METAP2: variants seen among roughly 807,000 people sequenced by gnomAD.
METAP2 encodes methionine aminopeptidase 2.
In METAP2, 25 loss-of-function variants were observed where a neutral mutation model predicts 59.4. That is an observed-to-expected ratio of 0.42 (90% CI 0.31 to 0.59). METAP2 has a LOEUF of 0.59. Among genes scored for constraint, METAP2 ranks in the 20% least tolerant of loss-of-function variants. The probability of loss-of-function intolerance (pLI) is 0.16; values close to 1 mark genes in which losing one functional copy is unlikely to be tolerated. For synonymous variants in METAP2, 214 were observed against 194.1 expected (o/e 1.10, Z -0.85); for missense variants, 366 against 581.2 (o/e 0.63, Z 3.81).
At chr12:95,496,903 C>T (rs549100366) in intron 7 of METAP2, among the ~76,000 whole-genome samples, 1 of 145,160 alleles carries the variant, frequency 6.9e-6, no homozygotes, top group African/African-American at 2.6e-5. Context: ...CGACTCACTG[C>T]ATCTTCTGCC....
intron 4 of METAP2, among the ~76,000 whole-genome samples, chr12:95,488,382 G>A (rs182215740): frequency 2.0e-5 from 3 of 151,824 alleles, no homozygotes; most frequent in African/African-American, 7.3e-5. Context: ...AGTGGTGCGT[G>A]CCTGTAATCC....
intron 2 of METAP2, among the ~76,000 whole-genome samples, chr12:95,476,514 AAAAGAAAG>A (rs373561404): frequency 5.5e-4 from 77 of 140,970 alleles, no homozygotes; most frequent in East Asian, 2.1e-3. Flanking sequence ...TGTCTCAAAA[AAAAGAAAG>A]AAAGAAAGAA....
chr12:95,512,102 C>A, intron 9 of METAP2, 104 bp downstream of exon 9: 1 of 727,552 alleles, frequency 1.4e-6, no homozygotes, highest in Non-Finnish European at 2.2e-6. Context: ...GAATTAGCTG[C>A]TTATCATCCA....
Position 95,514,196 on chromosome 12 carries a change from A to ATTTGTTTT in METAP2, c.*292_*293insTTTGTTTT, listed in dbSNP as rs2076427006. 1 of 347,218 alleles carries ATTTGTTTT rather than the reference A, an allele frequency of 2.9e-6. No individual in the cohort carries two copies. The highest frequency in any genetic ancestry group is 5.2e-6 in the Non-Finnish European group (1 of 194,148). 21.5% of individuals were successfully genotyped at this position (347,218 alleles called of 1,614,324 possible). On this transcript the variant is annotated 3_prime_UTR_variant, in exon 11 of 11. Transcript: ENST00000323666. Reference sequence around the variant, plus strand: ...TTATACGTTTTGTTTTGAATACCTAAGAGATACTTTTTGGATATTTATATT... The same window carrying ATTTGTTTT: ...TTATACGTTTTGTTTTGAATACCTAATTTGTTTTGAGATACTTTTTGGATATTTATATT...
chr12:95,499,960 C>G (rs2076303171), intron 7 of METAP2, among the ~76,000 whole-genome samples: 1 of 152,160 alleles, frequency 6.6e-6, no homozygotes. Context: ...GGGAACCACC[C>G]CCATGATCCT....
At chr12:95,495,276 C>A in intron 6 of METAP2, 138 bp downstream of exon 6, 1 of 680,616 alleles carries the variant, frequency 1.5e-6, no homozygotes, top group Non-Finnish European at 2.3e-6. Flanking sequence ...TGTGTTGAGG[C>A]AGATTTTTAA....
rs2076100746 is a variant in METAP2 at position 95,474,256 on chromosome 12, G to A, written c.77G>A (p.Gly26Glu). ...CTGGATCCAGACGACAGGGAAGAAGGAGCTGCCTCTACGGCTGAGGAAGCA... is the reference window on the plus strand; with the variant it reads ...CTGGATCCAGACGACAGGGAAGAAGAAGCTGCCTCTACGGCTGAGGAAGCA... Reference protein sequence around the residue: ...GDLDPDDREEGAASTAEEAAK... With the variant: ...GDLDPDDREEEAASTAEEAAK... Residue 26 changes from glycine to glutamate, a missense_variant, in exon 1 of 11, where the codon GGA becomes GAA. Physicochemically the swap from Gly to Glu is moderately conservative, Grantham distance 98. Coordinates refer to ENST00000323666, the MANE Select transcript of METAP2 (RefSeq NM_006838.4). 6.2e-7 allele frequency: 1 copy of A among 1,614,242 alleles called. No homozygotes were observed. Among genetic ancestry groups the A allele is most frequent in the Admixed American group, 1.7e-5 (1 of 60,032 alleles).
At chr12:95,483,097 A>T in intron 2 of METAP2, 118 bp from the exon 3 acceptor site, 1 of 809,170 alleles carries the variant, frequency 1.2e-6, no homozygotes, top group Non-Finnish European at 2.1e-6. Flanking sequence ...TAAACAAGAT[A>T]AAATAAACTA....
intron 4 of METAP2, among the ~76,000 whole-genome samples, chr12:95,493,117 T>C (rs993689530): frequency 1.5e-4 from 23 of 152,138 alleles, no homozygotes; most frequent in African/African-American, 5.6e-4. Flanking sequence ...TTTTTTTAAA[T>C]ATCATTTTAA....
At chr12:95,504,622 C>A (rs1360518949) in intron 8 of METAP2, among the ~76,000 whole-genome samples, 1 of 152,196 alleles carries the variant, frequency 6.6e-6, no homozygotes, top group Non-Finnish European at 1.5e-5. Flanking sequence ...CCCACCTTAG[C>A]CCTCCCGGGT....
chr12:95,476,446 A>G (rs2076119359), intron 2 of METAP2, among the ~76,000 whole-genome samples: 2 of 151,958 alleles, frequency 1.3e-5, no homozygotes, highest in South Asian at 2.1e-4. Context: ...CGAGAGATGG[A>G]GGTTGCAGTG....
intron 7 of METAP2, among the ~76,000 whole-genome samples, chr12:95,503,195 C>T (rs1565783698): frequency 6.6e-6 from 1 of 152,046 alleles, no homozygotes; most frequent in Admixed American, 6.6e-5. Context: ...TTCCCCCTTC[C>T]CCAGCATTTC....
intron 4 of METAP2, among the ~76,000 whole-genome samples, chr12:95,492,134 G>GTGTT (rs901421936): frequency 4.7e-5 from 7 of 150,514 alleles, no homozygotes; most frequent in African/African-American, 1.5e-4. Flanking sequence ...ATGTGTGTTT[G>GTGTT]TGTGTGTGTG....
chr12:95,508,060 C>T (rs1011161259), intron 8 of METAP2, among the ~76,000 whole-genome samples: 16 of 151,358 alleles, frequency 1.1e-4, no homozygotes, highest in African/African-American at 2.2e-4. Context: ...GGATTACAGG[C>T]GTGAGGCACC....
intron 4 of METAP2, among the ~76,000 whole-genome samples, chr12:95,487,327 T>A (rs566162266): frequency 9.9e-5 from 15 of 151,972 alleles, no homozygotes; most frequent in East Asian, 3.9e-4. Context: ...TTTTTTTTTT[T>A]AAAACATAGA....
intron 7 of METAP2, among the ~76,000 whole-genome samples, chr12:95,502,760 T>C (rs2076326010): frequency 6.6e-6 from 1 of 152,096 alleles, no homozygotes; most frequent in African/African-American, 2.4e-5. Flanking sequence ...TTAATCTTTT[T>C]TATTCTTAGA....
intron 2 of METAP2, chr12:95,482,294 G>T: frequency 1.9e-5 from 7 of 362,474 alleles, no homozygotes; most frequent in Middle Eastern, 9.3e-4. Flanking sequence ...TGTACTTTTA[G>T]TAGAGACAGG....
At chr12:95,486,044 A>C in intron 4 of METAP2, 63 bp downstream of exon 4, 1 of 1,170,526 alleles carries the variant, frequency 8.5e-7, no homozygotes. Flanking sequence ...AATAAAGCAG[A>C]TTTGACATTT....
rs536293836 is a variant in METAP2 at position 95,485,743 on chromosome 12, T to C, written c.326-136T>C. ...AGGTGGCCAGCATGATGAAGTGTCT[T>C]CTGCTTTTAACTGTGGCAGCAAGGA... On this transcript the variant is annotated intron_variant, in intron 3 of 10. Coordinates refer to ENST00000323666, the MANE Select transcript of METAP2 (RefSeq NM_006838.4). 6 of 597,890 alleles carry C rather than the reference T, an allele frequency of 1.0e-5. No homozygotes were observed. The Admixed American group carries it at 2.0e-4, about 20-fold the overall frequency. 37.0% of individuals were successfully genotyped at this position (597,890 alleles called of 1,614,324 possible). A position where few individuals can be genotyped will look rare whatever the true frequency, so the allele number is the denominator to read the frequency against.
Sources: allele counts gnomAD v4.1 joint callset (sites outside exome capture counted in the v4.1 genomes callset), GRCh38; gene constraint gnomAD v4.1.1; transcripts MANE v1.5; gene names NCBI Gene and HGNC (gene_info 2026-07-23, HGNC 2026-07-21).